CTNNA2: variants seen among roughly 807,000 people sequenced by gnomAD.
CTNNA2 encodes catenin alpha 2.
CTNNA2 carries 42 observed loss-of-function variants against 101.0 expected under a neutral mutation model. The observed-to-expected ratio is 0.42, with a 90% confidence interval of 0.32 to 0.54. The LOEUF is 0.54. CTNNA2 is among the 20% of genes least tolerant of loss of function. The pLI is 0.14. For synonymous variants in CTNNA2, 450 were observed against 456.4 expected (o/e 0.99, Z 0.18); for missense variants, 871 against 1,223.1 (o/e 0.71, Z 4.29).
chr2:79,737,464 G>T (rs1290165163), intron 2 of CTNNA2, among the ~76,000 whole-genome samples: 5 of 152,024 alleles, frequency 3.3e-5, no homozygotes, highest in African/African-American at 1.2e-4. Context: ...TTAATTGTAT[G>T]CAACGAATGC....
intron 2 of CTNNA2, among the ~76,000 whole-genome samples, chr2:79,299,900 T>C (rs543656874): frequency 6.6e-5 from 10 of 152,318 alleles, no homozygotes; most frequent in African/African-American, 2.4e-4. Context: ...GCATTTTAAA[T>C]TAATAGAAGT....
chr2:79,191,758 G>T (rs1356685774), intron 1 of CTNNA2, among the ~76,000 whole-genome samples: 1 of 152,096 alleles, frequency 6.6e-6, no homozygotes, highest in Non-Finnish European at 1.5e-5. Flanking sequence ...TTACAGGAGG[G>T]GCTAGGAATG....
intron 1 of CTNNA2, among the ~76,000 whole-genome samples, chr2:79,648,363 T>G (rs1338980538): frequency 6.6e-6 from 1 of 152,240 alleles, no homozygotes; most frequent in East Asian, 1.9e-4. Flanking sequence ...AGATCATTAA[T>G]GAGTGATTCT....
intron 6 of CTNNA2, among the ~76,000 whole-genome samples, chr2:79,887,662 C>T (rs1325211130): frequency 6.6e-6 from 1 of 152,098 alleles, no homozygotes; most frequent in Non-Finnish European, 1.5e-5. Context: ...GCTTAGCATG[C>T]TCTTTTTACT....
intron 18 of CTNNA2, among the ~76,000 whole-genome samples, chr2:80,619,535 T>C (rs942570963): frequency 2.0e-5 from 3 of 151,898 alleles, no homozygotes; most frequent in Non-Finnish European, 2.9e-5. Context: ...ATAGTCTCTT[T>C]GTGAGCTTCA....
At chr2:79,844,823 A>G (rs1680078167) in intron 3 of CTNNA2, among the ~76,000 whole-genome samples, 2 of 28,432 alleles carry the variant, frequency 7.0e-5, no homozygotes, top group East Asian at 7.3e-4. Flanking sequence ...ATTTTCATCT[A>G]TACTCTGTCT....
rs1023662489 is a variant in CTNNA2 at position 79,979,158 on chromosome 2, G to A, written c.1056+69361G>A. ...CCCCGAGACTCCAGAGGCTAAGGTG[G>A]GAGGATCACATCAGTCCAGGATTTT... On this transcript the variant is annotated intron_variant, in intron 7 of 18. Transcript: ENST00000402739. Among the ~76,000 whole-genome samples, 4 of 152,092 alleles carry A rather than the reference G, an allele frequency of 2.6e-5. No individual in the cohort carries two copies. The East Asian group carries it at 7.7e-4, about 29-fold the overall frequency.
intron 7 of CTNNA2, among the ~76,000 whole-genome samples, chr2:80,037,399 C>T (rs1399122048): frequency 6.6e-6 from 1 of 152,166 alleles, no homozygotes; most frequent in Non-Finnish European, 1.5e-5. Context: ...CCTCTGTTCT[C>T]AACTCGGTCT....
intron 1 of CTNNA2, among the ~76,000 whole-genome samples, chr2:79,518,120 T>C (rs112841949): frequency 0.011 from 1,686 of 152,372 alleles, 11 homozygotes; most frequent in Middle Eastern, 0.048. Flanking sequence ...AGTTTATATG[T>C]AAATTTCAAT....
At chr2:79,765,928 C>T (rs1429199041) in intron 3 of CTNNA2, among the ~76,000 whole-genome samples, 2 of 152,138 alleles carry the variant, frequency 1.3e-5, no homozygotes, top group African/African-American at 4.8e-5. Context: ...TGCACGTTGT[C>T]AATGCTCAGT....
intron 3 of CTNNA2, among the ~76,000 whole-genome samples, chr2:79,764,081 T>G (rs1048357649): frequency 6.6e-6 from 1 of 152,130 alleles, no homozygotes; most frequent in African/African-American, 2.4e-5. Flanking sequence ...TCACAGTGGG[T>G]CCACATAGGA....
intron 2 of CTNNA2, among the ~76,000 whole-genome samples, chr2:79,722,560 T>C (rs909710293): frequency 3.3e-5 from 5 of 152,176 alleles, no homozygotes; most frequent in East Asian, 1.9e-4. Context: ...CCTGAAGTCT[T>C]TCCTGACCAC....
In CTNNA2 at chr2:79,779,929, C is replaced by T. The variant is rs570203357; in HGVS notation, c.298+35347C>T. 3.3e-5 allele frequency among the ~76,000 whole-genome samples: 5 copies of T among 152,082 alleles called. No individual in the cohort carries two copies. The South Asian group carries it at 8.3e-4, about 25-fold the overall frequency. On this transcript the variant is annotated intron_variant, in intron 3 of 18. Coordinates refer to ENST00000402739, the MANE Select transcript of CTNNA2 (RefSeq NM_001282597.3). ...GGAGCCAGACATGCCTCATTATACC[C>T]GCCTGCCTTTTGAAATTACTGCTAC...
chr2:79,698,270 G>C (rs1358254533), intron 2 of CTNNA2, among the ~76,000 whole-genome samples: 1 of 151,966 alleles, frequency 6.6e-6, no homozygotes, highest in Non-Finnish European at 1.5e-5. Flanking sequence ...TTCAAGTTCT[G>C]TTTGGATGCA....
rs907186186 is a variant in CTNNA2 at position 79,325,264 on chromosome 2, C to T, written c.-318+12468C>T. ...CTTCCTAAGGCTCAGATCTTATAGG[C>T]GATGGGATTACCTTTCAAACCATTT... On this transcript the variant is annotated intron_variant, in intron 3 of 21. Coordinates refer to the CTNNA2 transcript ENST00000466387. Among the ~76,000 whole-genome samples the T allele has an allele frequency of 5.3e-4, 81 of 152,174 alleles. 1 individual carries two copies. Among genetic ancestry groups the T allele is most frequent in the African/African-American group, 1.8e-3 (76 of 41,520 alleles).
chr2:79,982,211 T>C (rs1156559342), intron 7 of CTNNA2, among the ~76,000 whole-genome samples: 1 of 29,512 alleles, frequency 3.4e-5, no homozygotes, highest in Admixed American at 2.4e-4. Context: ...TATATATATA[T>C]ATATATATAT....
intron 1 of CTNNA2, among the ~76,000 whole-genome samples, chr2:79,554,297 T>A (rs1490918306): frequency 6.6e-6 from 1 of 152,138 alleles, no homozygotes; most frequent in Non-Finnish European, 1.5e-5. Context: ...TGAGGTAAAT[T>A]ACTTTGCAAC....
At chr2:79,682,766 T>C (rs1683669517) in intron 2 of CTNNA2, among the ~76,000 whole-genome samples, 1 of 152,200 alleles carries the variant, frequency 6.6e-6, no homozygotes, top group Non-Finnish European at 1.5e-5. Context: ...AATAGATACA[T>C]ATATGTGCTT....
chr2:79,375,204 G>A (rs141594012), intron 4 of CTNNA2, among the ~76,000 whole-genome samples: 5 of 152,144 alleles, frequency 3.3e-5, no homozygotes, highest in African/African-American at 9.6e-5. Flanking sequence ...TACGCTTTAC[G>A]GTCAGACATA....
Sources: allele counts gnomAD v4.1 joint callset (sites outside exome capture counted in the v4.1 genomes callset), GRCh38; gene constraint gnomAD v4.1.1; transcripts MANE v1.5; gene names NCBI Gene and HGNC (gene_info 2026-07-23, HGNC 2026-07-21).